CAMK4: variants seen among roughly 807,000 people sequenced by gnomAD.
CAMK4 encodes the protein calcium/calmodulin-dependent protein kinase type IV.
A neutral mutation model predicts 44.9 loss-of-function variants in CAMK4; 22 were observed. The observed-to-expected ratio is 0.49, with a 90% CI of 0.35 to 0.70. The LOEUF (loss-of-function observed/expected upper bound fraction) is 0.70. CAMK4 is among the 30% of genes least tolerant of loss of function. The pLI is 0.01. For missense variants in CAMK4, 498 were observed against 586.8 expected (o/e 0.85, Z 1.56); for synonymous variants, 218 against 215.4 (o/e 1.01, Z -0.11).
chr5:111,468,586 T>TTATTG (rs1754929525), intron 7 of CAMK4, among the ~76,000 whole-genome samples: 1 of 152,160 alleles, frequency 6.6e-6, no homozygotes, highest in Non-Finnish European at 1.5e-5. Context: ...AGCCTGAACT[T>TTATTG]TATTGTAAAA....
chr5:111,466,233 A>G (rs184643482), intron 7 of CAMK4, among the ~76,000 whole-genome samples: 122 of 152,320 alleles, frequency 8.0e-4, no homozygotes, highest in Non-Finnish European at 4.3e-4. Context: ...ACAAACCCAA[A>G]GCTAACATAA....
intron 1 of CAMK4, among the ~76,000 whole-genome samples, chr5:111,319,762 C>G (rs1748581464): frequency 6.6e-6 from 1 of 152,044 alleles, no homozygotes; most frequent in Non-Finnish European, 1.5e-5. Context: ...TTGTGGTTAT[C>G]CAGGAATGCT....
At chr5:111,434,396 T>C (rs1199957617) in intron 5 of CAMK4, among the ~76,000 whole-genome samples, 2 of 151,094 alleles carry the variant, frequency 1.3e-5, no homozygotes, top group Admixed American at 1.3e-4. Flanking sequence ...ATTTTGGAGG[T>C]AGGATTATGA....
chr5:111,319,190 T>G (rs1748558612), intron 1 of CAMK4, among the ~76,000 whole-genome samples: 1 of 152,092 alleles, frequency 6.6e-6, no homozygotes, highest in African/African-American at 2.4e-5. Context: ...AATGGTGGGG[T>G]CAGCTTTCTA....
At chr5:111,448,524 T>C (rs960630849) in intron 6 of CAMK4, among the ~76,000 whole-genome samples, 5 of 152,354 alleles carry the variant, frequency 3.3e-5, no homozygotes, top group East Asian at 1.9e-4. Flanking sequence ...AAAAAATAGC[T>C]TGGCTGGGCG....
intron 5 of CAMK4, among the ~76,000 whole-genome samples, chr5:111,443,350 A>ATATATATAC (rs1472607789): frequency 1.5e-5 from 2 of 129,652 alleles, no homozygotes; most frequent in African/African-American, 6.7e-5. Flanking sequence ...TATATATACT[A>ATATATATAC]TATATATAGT....
intron 5 of CAMK4, among the ~76,000 whole-genome samples, chr5:111,424,270 C>A (rs1753134742): frequency 6.6e-6 from 1 of 152,162 alleles, no homozygotes; most frequent in Admixed American, 6.5e-5. Context: ...AGGTGCATTG[C>A]ACCAGGTGTG....
chr5:111,444,140 C>G (rs558081429), intron 5 of CAMK4, among the ~76,000 whole-genome samples: 1 of 152,232 alleles, frequency 6.6e-6, no homozygotes, highest in Non-Finnish European at 1.5e-5. Flanking sequence ...TTGAGCATCT[C>G]CTTGGGAATT....
chr5:111,469,172 A>AATATATATATATATATAT (rs1229770102), intron 7 of CAMK4, among the ~76,000 whole-genome samples: 4 of 31,966 alleles, frequency 1.3e-4, no homozygotes, highest in African/African-American at 3.6e-4. Context: ...AAAAAAAAAA[A>AATATATATATATATATAT]ATATATATAT....
chr5:111,388,565 C>T (rs17133220), intron 4 of CAMK4, among the ~76,000 whole-genome samples: 16,550 of 152,046 alleles, frequency 0.11, 1,498 homozygotes, highest in African/African-American at 0.24. Context: ...GAATCCTTTC[C>T]TCACCCTTCA....
At chr5:111,414,271 A>T (rs1752733768) in intron 5 of CAMK4, among the ~76,000 whole-genome samples, 2 of 152,204 alleles carry the variant, frequency 1.3e-5, no homozygotes, top group African/African-American at 2.4e-5. Flanking sequence ...AGTTCTTTGT[A>T]CCAGTAGATT....
At chr5:111,297,665 G>A (rs1421579226) in intron 1 of CAMK4, among the ~76,000 whole-genome samples, 1 of 152,032 alleles carries the variant, frequency 6.6e-6, no homozygotes, top group Admixed American at 6.5e-5. Context: ...CACTCTCATT[G>A]GCTGGGCCTT....
At chr5:111,444,101 A>G (rs970164668) in intron 5 of CAMK4, among the ~76,000 whole-genome samples, 1 of 151,616 alleles carries the variant, frequency 6.6e-6, no homozygotes, top group Non-Finnish European at 1.5e-5. Context: ...TTGTTCCCTC[A>G]CCTTAATCAA....
intron 1 of CAMK4, among the ~76,000 whole-genome samples, chr5:111,297,482 C>T (rs1747536961): frequency 1.3e-5 from 2 of 152,156 alleles, no homozygotes; most frequent in African/African-American, 4.8e-5. Flanking sequence ...CATATTAGAG[C>T]TTGAGGCAAA....
intron 1 of CAMK4, among the ~76,000 whole-genome samples, chr5:111,284,498 A>G (rs1028936076): frequency 2.0e-5 from 3 of 152,150 alleles, no homozygotes; most frequent in African/African-American, 4.8e-5. Context: ...ACTTGTACAA[A>G]CTTGGTCCCA....
At chr5:111,468,198 A>G (rs1211031311) in intron 7 of CAMK4, among the ~76,000 whole-genome samples, 1 of 152,272 alleles carries the variant, frequency 6.6e-6, no homozygotes, top group Non-Finnish European at 1.5e-5. Flanking sequence ...GTGAGGGATA[A>G]AAAACTACAC....
At chr5:111,330,651 A>G (rs1030234911) in intron 1 of CAMK4, among the ~76,000 whole-genome samples, 7 of 151,744 alleles carry the variant, frequency 4.6e-5, no homozygotes, top group Non-Finnish European at 1.0e-4. Context: ...GATTATATGC[A>G]AATACTATAC....
At chr5:111,366,654 G>T (rs1750803934) in intron 2 of CAMK4, among the ~76,000 whole-genome samples, 1 of 152,034 alleles carries the variant, frequency 6.6e-6, no homozygotes, top group Non-Finnish European at 1.5e-5. Flanking sequence ...TCTTAGTGAA[G>T]GATCTGTGTT....
intron 5 of CAMK4, among the ~76,000 whole-genome samples, chr5:111,411,542 C>G (rs1306118591): frequency 2.0e-5 from 3 of 152,200 alleles, no homozygotes; most frequent in Non-Finnish European, 4.4e-5. Flanking sequence ...CACTGTGCAT[C>G]CAAACCACAA....
Sources: gnomAD v4.1 joint callset for allele counts (sites outside exome capture counted in the v4.1 genomes callset) on GRCh38, gnomAD v4.1.1 for gene constraint, MANE v1.5 for transcripts, NCBI Gene and HGNC (gene_info 2026-07-23, HGNC 2026-07-21) for gene names.